The following MTBP variants were observed in gnomAD, a reference collection of about 807,000 sequenced individuals.
MTBP encodes the protein MDM2 binding protein.
MTBP carries 101 observed loss-of-function variants against 117.0 expected under a neutral mutation model. The ratio of observed to expected loss-of-function variants is 0.86; its 90% CI spans 0.73 to 1.02. MTBP has a LOEUF of 1.02. Ranked by LOEUF, MTBP falls within the 50% of genes least tolerant of loss-of-function variation. The probability of loss-of-function intolerance (pLI) is 0.00; values close to 1 mark genes in which losing one functional copy is unlikely to be tolerated. For missense variants in MTBP, 970 were observed against 1,030.9 expected (o/e 0.94, Z 0.81); for synonymous variants, 350 against 351.5 (o/e 1.00, Z 0.05).
Position 120,488,165 on chromosome 8 carries a change from A to T in MTBP, c.1172A>T (p.Asp391Val). The T allele has an allele frequency of 6.3e-7, 1 of 1,583,858 alleles. No homozygotes were observed. The highest frequency in any genetic ancestry group is 8.6e-7 in the Non-Finnish European group (1 of 1,169,544). ...GATAATTGTTTTTGTTTAGTTCCAG[A>T]TGTTGAAGTGAAAGGAGAGTGTTCT... ...AKKPKTISVP[D>V]VEVKGECSSY... is the part of the protein sequence containing the mutation. The change falls in exon 12 of 22, where the codon GAT (aspartate) becomes GTT (valine). Residue 391 changes from aspartate (D) to valine (V), a missense_variant. Coordinates refer to ENST00000305949, the MANE Select transcript of MTBP (RefSeq NM_022045.5).
At chr8:120,486,522 G>A (rs1230872835) in intron 11 of MTBP, among the ~76,000 whole-genome samples, 1 of 152,156 alleles carries the variant, frequency 6.6e-6, no homozygotes, top group Non-Finnish European at 1.5e-5. Context: ...ATGAGTAGGG[G>A]CTAGGTGGAG....
intron 7 of MTBP, among the ~76,000 whole-genome samples, chr8:120,457,878 G>T (rs549201093): frequency 2.0e-5 from 3 of 151,458 alleles, no homozygotes; most frequent in Admixed American, 6.6e-5. Flanking sequence ...CCCGGGAGGC[G>T]GAGGTTTCAG....
chr8:120,483,722 G>A (rs1008899870), intron 11 of MTBP, among the ~76,000 whole-genome samples: 5 of 152,050 alleles, frequency 3.3e-5, no homozygotes, highest in Non-Finnish European at 7.4e-5. Context: ...GGTAGTTTCT[G>A]CTTCTCCCAT....
chr8:120,468,101 G>A (rs1305821764), intron 10 of MTBP, among the ~76,000 whole-genome samples: 7 of 151,892 alleles, frequency 4.6e-5, no homozygotes, highest in Admixed American at 3.3e-4. Flanking sequence ...ATTTAGTGTC[G>A]AGAAAATTAG....
chr8:120,515,318 A>G (rs1268651581), intron 17 of MTBP, among the ~76,000 whole-genome samples: 2 of 152,062 alleles, frequency 1.3e-5, no homozygotes, highest in Non-Finnish European at 2.9e-5. Flanking sequence ...CTTTGAGTCC[A>G]GAAGCATTCA....
At chr8:120,504,961 CTT>C (rs1188116439) in intron 15 of MTBP, among the ~76,000 whole-genome samples, 2 of 152,014 alleles carry the variant, frequency 1.3e-5, no homozygotes, top group Non-Finnish European at 1.5e-5. Context: ...ATTAATAAGA[CTT>C]GAGATGATAC....
At chr8:120,468,506 C>T (rs1813747071) in intron 10 of MTBP, among the ~76,000 whole-genome samples, 1 of 152,122 alleles carries the variant, frequency 6.6e-6, no homozygotes, top group Non-Finnish European at 1.5e-5. Flanking sequence ...GAAGCATTTT[C>T]CCTGCAAAAA....
chr8:120,506,951 A>C, intron 16 of MTBP, 90 bp downstream of exon 16: 1 of 1,126,934 alleles, frequency 8.9e-7, no homozygotes, highest in Non-Finnish European at 1.2e-6. Flanking sequence ...TTGATGTCCT[A>C]TGCTACTCAG....
chr8:120,497,366 A>T (rs767481939), intron 13 of MTBP, 27 bp from the exon 14 acceptor site: 2 of 1,567,360 alleles, frequency 1.3e-6, no homozygotes, highest in South Asian at 2.5e-5. Context: ...ATACAAAATA[A>T]GTCAATTGTA....
Position 120,490,476 on chromosome 8 carries a change from C to G in MTBP, c.1353C>G (p.Asp451Glu), listed in dbSNP as rs191121479. ...TEEAKLSFPF[D>E]LLSLPHFSGE... ...CTTATTTCTCAGGTTTTCCTTTTGA[C>G]TTATTATCACTTCCACATTTTTCTG... Residue 451 changes from aspartate to glutamate, a missense_variant, in exon 13 of 22, where the codon GAC (aspartate) becomes GAG (glutamate). Asp to Glu is a conservative substitution (Grantham distance 45, BLOSUM62 2). Transcript: ENST00000305949. 6.3e-4 allele frequency: 1,004 copies of G among 1,597,478 alleles called. 9 individuals are homozygous for G. The highest frequency in any genetic ancestry group is 5.4e-5 in the Non-Finnish European group (63 of 1,172,742).
rs1563786299 is a variant in MTBP, at chr8:120,459,257, G to T, written c.790G>T (p.Val264Phe). The T allele has an allele frequency of 6.2e-7, 1 of 1,610,638 alleles. No homozygotes were observed. The highest frequency in any genetic ancestry group is 2.2e-5 in the East Asian group (1 of 44,612). ...ISFPEFCLKGVTLKNFSTSNL... is the reference protein window; with the variant it reads ...ISFPEFCLKGFTLKNFSTSNL... ...TTTTCCTGAATTTTGTTTAAAGGGA[G>T]TCACACTTAAGAATTTTAGTACTTC... Residue 264 changes from valine (V) to phenylalanine (F), a missense_variant, in exon 8 of 22, where the codon GTC (valine) becomes TTC (phenylalanine). Val to Phe is a conservative substitution (Grantham distance 50). Transcript: ENST00000305949.
rs377689760 is a variant in MTBP, at chr8:120,508,902, C to A, written c.1884-1032C>A. ...GAAGGACGGCACCTATCGGAATAAT[C>A]CAGAGAGCTTAATCTAATTGCAGTG... On this transcript the variant is annotated intron_variant, in intron 16 of 21. Transcript: ENST00000305949. Among the ~76,000 whole-genome samples the A allele has an allele frequency of 7.3e-4, 111 of 152,236 alleles. 1 individual carries two copies. Among genetic ancestry groups the A allele is most frequent in the African/African-American group, 2.6e-3 (106 of 41,542 alleles).
At chr8:120,486,918 T>C (rs1227960312) in intron 11 of MTBP, among the ~76,000 whole-genome samples, 1 of 152,214 alleles carries the variant, frequency 6.6e-6, no homozygotes, top group African/African-American at 2.4e-5. Context: ...TATATACCCT[T>C]AGGATCATTT....
intron 4 of MTBP, among the ~76,000 whole-genome samples, chr8:120,453,295 A>G (rs1813399357): frequency 6.6e-6 from 1 of 152,072 alleles, no homozygotes; most frequent in Non-Finnish European, 1.5e-5. Context: ...TACATTAGCC[A>G]GGCATGGTGG....
rs370325137 is a variant in MTBP, at chr8:120,517,822, G to A, written c.2247-29G>A. On this transcript the variant is annotated intron_variant, in intron 18 of 21. Coordinates refer to ENST00000305949, the MANE Select transcript of MTBP (RefSeq NM_022045.5). ...TTCGATGTTGATTCGCTTAATCTAC[G>A]TTCTTGATTTTTTTCCCCTGCTATA... The A allele has an allele frequency of 5.7e-6, 9 of 1,591,218 alleles. No individual in the cohort carries two copies. The African/African-American group carries it at 9.4e-5, about 17-fold the overall frequency.
rs1814696285 is a variant in MTBP at position 120,506,806 on chromosome 8, T to C, written c.1828T>C (p.Phe610Leu). Residue 610 changes from phenylalanine to leucine, a missense_variant, in exon 16 of 22, where the codon TTT becomes CTT. Coordinates refer to ENST00000305949, the MANE Select transcript of MTBP (RefSeq NM_022045.5). Reference sequence around the variant, plus strand: ...GGATGCTAAAGAATTGCTGAAGTACTTTACCTCAGATGGATTACCCATTGG... The same window carrying C: ...GGATGCTAAAGAATTGCTGAAGTACCTTACCTCAGATGGATTACCCATTGG... Reference protein sequence around the residue: ...LLDAKELLKYFTSDGLPIGDL... With the variant: ...LLDAKELLKYLTSDGLPIGDL... The C allele has an allele frequency of 2.5e-6, 4 of 1,613,378 alleles. No individual in the cohort carries two copies. The highest frequency in any genetic ancestry group is 2.5e-6 in the Non-Finnish European group (3 of 1,179,538).
chr8:120,510,504 C>T (rs866679170), intron 17 of MTBP, among the ~76,000 whole-genome samples: 2 of 152,164 alleles, frequency 1.3e-5, no homozygotes, highest in African/African-American at 2.4e-5. Flanking sequence ...AATAGATAAA[C>T]TATGGTATAT....
Position 120,516,077 on chromosome 8 carries a change from C to A in MTBP, c.2132C>A (p.Ser711Ter). 8 of 1,613,024 alleles carry A rather than the reference C, an allele frequency of 5.0e-6. No individual in the cohort carries two copies. Among genetic ancestry groups the A allele is most frequent in the Non-Finnish European group, 5.9e-6 (7 of 1,179,286 alleles). The change falls in exon 18 of 22, where the codon TCG (serine) becomes TAG (stop). Residue 711 changes from serine (S) to a stop codon, truncating the protein, a stop_gained. Transcript: ENST00000305949. LOFTEE classifies it high-confidence loss of function. The stretch of plus-strand genomic sequence containing the variant: ...AGCCCTCTTCCATCTCCTGTAGTTT[C>A]GTCAGATCCTGGAAGTGTCCCTGAC... ...VLSPLPSPVV[S>*]SDPGSVPDGE...
rs1813627318 is a variant in MTBP, at chr8:120,463,692, A to G, written c.978A>G (p.Leu326=). The change falls in exon 10 of 22, where the codon TTA becomes TTG. Residue 326 remains leucine (L), a splice_region_variant and synonymous_variant. Coordinates refer to ENST00000305949, the MANE Select transcript of MTBP (RefSeq NM_022045.5). ...TCATTTCTTTAACTCCTTAGTACAG[A>G]GGATTGACAAACAGTACCAAACAGA... The part of the protein sequence containing the change: ...SCYMSDIEFE[L]GLTNSTKQNS... 2.5e-6 allele frequency: 4 copies of G among 1,609,008 alleles called. No individual in the cohort carries two copies. The highest frequency in any genetic ancestry group is 3.4e-6 in the Non-Finnish European group (4 of 1,176,682).
Sources: gnomAD v4.1 joint callset for allele counts (sites outside exome capture counted in the v4.1 genomes callset) on GRCh38, gnomAD v4.1.1 for gene constraint, MANE v1.5 for transcripts, NCBI Gene and HGNC (gene_info 2026-07-23, HGNC 2026-07-21) for gene names.